The following GOLIM4 variants were observed in gnomAD, a reference collection of about 807,000 sequenced individuals.
GOLIM4 encodes golgi integral membrane protein 4.
GOLIM4 carries 71 observed loss-of-function variants against 107.4 expected under a neutral mutation model. That is an observed-to-expected ratio of 0.66 (90% confidence interval 0.55 to 0.81). The LOEUF (loss-of-function observed/expected upper bound fraction) is 0.81. GOLIM4 is among the 30% of genes least tolerant of loss of function. The pLI is 0.00. For missense variants in GOLIM4, 830 were observed against 826.1 expected, an observed-to-expected ratio of 1.00 and a Z score of -0.06; for synonymous variants, 327 against 294.8, an observed-to-expected ratio of 1.11 and a Z score of -1.12.
intron 5 of GOLIM4, among the ~76,000 whole-genome samples, chr3:168,042,099 C>T (rs1250477830): frequency 2.0e-5 from 3 of 152,164 alleles, no homozygotes; most frequent in African/African-American, 7.2e-5. Context: ...TATACAAATA[C>T]AGTACATTAC....
At chr3:168,021,469 T>A (rs1422914821) in intron 14 of GOLIM4, among the ~76,000 whole-genome samples, 1 of 151,940 alleles carries the variant, frequency 6.6e-6, no homozygotes, top group East Asian at 1.9e-4. Context: ...AGTTCAAGAC[T>A]AGCCTGGCCA....
chr3:168,021,298 A>G (rs1717667450), intron 14 of GOLIM4, among the ~76,000 whole-genome samples: 1 of 152,224 alleles, frequency 6.6e-6, no homozygotes, highest in African/African-American at 2.4e-5. Context: ...ATAGAATGTG[A>G]TGAACAAAAG....
Position 168,032,590 on chromosome 3 carries a change from T to A in GOLIM4, c.1106A>T (p.Asp369Val), listed in dbSNP as rs1718393559. 3.1e-6 allele frequency: 5 copies of A among 1,614,018 alleles called. No homozygotes were observed. The highest frequency in any genetic ancestry group is 3.4e-6 in the Non-Finnish European group (4 of 1,180,032). ...CTCATGCTGCTCTTTCCACTCCCGA[T>A]CCTGCTCCTCTGGTGATGGATCGTG... ...EEHDPSPEEQDREWKEQHEQR... is the reference protein window; with the variant it reads ...EEHDPSPEEQVREWKEQHEQR... The change falls in exon 9 of 16, where the codon GAT (aspartate) becomes GTT (valine). Residue 369 changes from aspartate to valine, a missense_variant. Asp to Val is a radical substitution (Grantham distance 152). Coordinates refer to ENST00000470487, the MANE Select transcript of GOLIM4 (RefSeq NM_014498.5).
chr3:168,010,606 T>C (rs1361717084), intron 15 of GOLIM4, 137 bp downstream of exon 15: 9 of 794,024 alleles, frequency 1.1e-5, no homozygotes, highest in Non-Finnish European at 1.6e-5. Context: ...TAATTTCAGG[T>C]GGGCCTGTTA....
chr3:168,047,062 G>A (rs563741668), intron 2 of GOLIM4, 63 bp from the exon 3 acceptor site: 282 of 774,428 alleles, frequency 3.6e-4, no homozygotes, highest in Admixed American at 9.9e-4. Flanking sequence ...AACATCTAAA[G>A]AAATAAAGGC....
intron 1 of GOLIM4, among the ~76,000 whole-genome samples, chr3:168,057,679 C>A (rs1577549525): frequency 6.6e-6 from 1 of 152,288 alleles, no homozygotes; most frequent in East Asian, 1.9e-4. Flanking sequence ...CAGAGCAAGG[C>A]ATTCAATAGA....
intron 7 of GOLIM4, 92 bp downstream of exon 7, chr3:168,040,694 A>C (rs549563471): frequency 3.2e-5 from 24 of 744,398 alleles, no homozygotes; most frequent in Admixed American, 2.0e-4. Context: ...AACTCACTGA[A>C]GATTGGCTTG....
At chr3:168,023,201 A>T (rs758660237) in intron 14 of GOLIM4, among the ~76,000 whole-genome samples, 2 of 152,252 alleles carry the variant, frequency 1.3e-5, no homozygotes, top group African/African-American at 4.8e-5. Flanking sequence ...ATAATAAAAC[A>T]AAGTGGTATT....
chr3:168,051,253 C>T (rs1719628117), intron 1 of GOLIM4, among the ~76,000 whole-genome samples: 1 of 151,740 alleles, frequency 6.6e-6, no homozygotes, highest in Admixed American at 6.6e-5. Context: ...GTATTCCATT[C>T]TTTATTCTCT....
intron 1 of GOLIM4, among the ~76,000 whole-genome samples, chr3:168,071,415 C>G (rs568642140): frequency 1.3e-5 from 2 of 152,154 alleles, no homozygotes; most frequent in African/African-American, 4.8e-5. Context: ...GCACTGCTCT[C>G]TAGGCAGGAA....
At chr3:168,050,952 CATT>C (rs1390177245) in intron 1 of GOLIM4, among the ~76,000 whole-genome samples, 2 of 151,664 alleles carry the variant, frequency 1.3e-5, no homozygotes, top group East Asian at 3.9e-4. Context: ...AAATATTAAA[CATT>C]ATTGTAGAAG....
intron 14 of GOLIM4, among the ~76,000 whole-genome samples, chr3:168,015,717 AG>A (rs1485386952): frequency 7.4e-6 from 1 of 135,840 alleles, no homozygotes; most frequent in Non-Finnish European, 1.5e-5. Flanking sequence ...AACAGAACAG[AG>A]CCCTCAGAAA....
intron 8 of GOLIM4, among the ~76,000 whole-genome samples, chr3:168,034,799 G>T (rs988516802): frequency 4.6e-5 from 7 of 152,124 alleles, no homozygotes; most frequent in African/African-American, 1.7e-4. Context: ...CACAAGATCT[G>T]ATCGTTTTAA....
intron 1 of GOLIM4, among the ~76,000 whole-genome samples, chr3:168,057,923 C>T (rs111499175): frequency 0.013 from 1,912 of 152,250 alleles, 9 homozygotes; most frequent in Middle Eastern, 0.031. Context: ...ATCTTCTATG[C>T]CCCAGCACTT....
At chr3:168,039,827 C>T (rs895612866) in intron 7 of GOLIM4, among the ~76,000 whole-genome samples, 9 of 152,090 alleles carry the variant, frequency 5.9e-5, no homozygotes, top group African/African-American at 1.9e-4. Flanking sequence ...TGATCCCTGA[C>T]GTCAATTTCA....
At chr3:168,087,093 C>A (rs545083868) in intron 1 of GOLIM4, among the ~76,000 whole-genome samples, 9 of 152,060 alleles carry the variant, frequency 5.9e-5, no homozygotes, top group South Asian at 2.1e-4. Flanking sequence ...ACCCCTCAGG[C>A]GAGTTCTTAC....
At position 168,009,683 on chromosome 3, in the gene GOLIM4, T is replaced by A. The variant is rs1485027766; in HGVS notation, c.*586A>T. On this transcript the variant is annotated 3_prime_UTR_variant, in exon 16 of 16. Coordinates refer to ENST00000470487, the MANE Select transcript of GOLIM4 (RefSeq NM_014498.5). Reference sequence around the variant, plus strand: ...TTTAAAGCAATGACATTTTTCTAATTGATCTGAAAAGTCTGAAAAACAATG... The same window carrying A: ...TTTAAAGCAATGACATTTTTCTAATAGATCTGAAAAGTCTGAAAAACAATG... 6.6e-6 allele frequency: 1 copy of A among 152,222 alleles called. No homozygotes were observed. Among genetic ancestry groups the A allele is most frequent in the Non-Finnish European group, 1.5e-5 (1 of 68,048 alleles). 9.4% of individuals were successfully genotyped at this position (152,222 alleles called of 1,614,324 possible).
chr3:168,035,059 C>T (rs1408278145), intron 8 of GOLIM4, among the ~76,000 whole-genome samples: 2 of 148,408 alleles, frequency 1.3e-5, no homozygotes, highest in Non-Finnish European at 1.5e-5. Context: ...AAAAACAACT[C>T]AGCATCACTG....
At chr3:168,027,936 C>T (rs570336135) in intron 11 of GOLIM4, 99 bp from the exon 12 acceptor site, 15 of 742,250 alleles carry the variant, frequency 2.0e-5, no homozygotes, top group South Asian at 1.7e-4. Flanking sequence ...CTACAGACTA[C>T]AATACCTCCA....
Sources: gnomAD v4.1 joint callset for allele counts (sites outside exome capture counted in the v4.1 genomes callset) on GRCh38, gnomAD v4.1.1 for gene constraint, MANE v1.5 for transcripts, NCBI Gene and HGNC (gene_info 2026-07-23, HGNC 2026-07-21) for gene names.